The following BORCS8 variants were observed in gnomAD, a reference collection of about 807,000 sequenced individuals.
BORCS8 encodes BLOC-1 related complex subunit 8, also known as BLOC-1-related complex subunit 8.
A neutral mutation model predicts 18.7 loss-of-function variants in BORCS8; 13 were observed. The observed-to-expected ratio is 0.70, with a 90% CI of 0.45 to 1.11. The LOEUF (loss-of-function observed/expected upper bound fraction) is 1.11, where lower values mean the gene tolerates loss of function less well. BORCS8 is among the 50% of genes least tolerant of loss of function. BORCS8 has a pLI of 0.00. For synonymous variants in BORCS8, 68 were observed against 64.8 expected (o/e 1.05, Z -0.24); for missense variants, 165 against 165.7 (o/e 1.00, Z 0.02).
In BORCS8 at chr19:19,182,803, G is replaced by C. The variant is rs546051719; in HGVS notation, c.216-120C>G. ...ACCTCAGTGATTCTGCGGGCTTCCC[G>C]AAGGACTCACAGTGGGCTTACATTT... On this transcript the variant is annotated intron_variant, in intron 3 of 5. Coordinates refer to ENST00000462790, the MANE Select transcript of BORCS8 (RefSeq NM_001145784.2). This position sits in a 1 kb window ranked among gnomAD's most constrained non-coding sequence, Gnocchi z 4.1. 5 of 1,317,730 alleles carry C rather than the reference G, an allele frequency of 3.8e-6. No individual in the cohort carries two copies. The African/African-American group carries it at 5.9e-5, about 16-fold the overall frequency. The allele number at this position is 1,317,730 out of a possible 1,614,324, so 81.6% of individuals were successfully genotyped here.
Position 19,186,050 on chromosome 19 carries a change from C to T in BORCS8, c.199G>A (p.Val67Met). The T allele has an allele frequency of 1.3e-6, 2 of 1,551,192 alleles. No individual in the cohort carries two copies. Among genetic ancestry groups the T allele is most frequent in the Non-Finnish European group, 1.7e-6 (2 of 1,146,974 alleles). Residue 67 changes from valine to methionine, a missense_variant, in exon 3 of 6, where the codon GTG becomes ATG. Physicochemically the swap from Val to Met is conservative, Grantham distance 21. Transcript: ENST00000462790. Reference sequence around the variant, plus strand: ...GGCGCTCACCTGCAGGCGTACTCCACAGTGTAGATGGCTCCCTGGCTCTGC... The same window carrying T: ...GGCGCTCACCTGCAGGCGTACTCCATAGTGTAGATGGCTCCCTGGCTCTGC... ...EEQSQGAIYT[V>M]EYACSAVKNL...
intron 5 of BORCS8, chr19:19,178,978 G>GA (rs1206860109): frequency 1.1e-3 from 167 of 150,034 alleles, no homozygotes; most frequent in African/African-American, 3.5e-3. Context: ...AAAAAAGAGA[G>GA]AAAAAAAAAG....
At chr19:19,183,628 A>G (rs1187674468) in intron 3 of BORCS8, among the ~76,000 whole-genome samples, 2 of 148,180 alleles carry the variant, frequency 1.3e-5, no homozygotes, top group Non-Finnish European at 3.0e-5. Context: ...CTTGTTGCCC[A>G]GGCTGGAGTG....
At chr19:19,177,684 GGAAGGAAGGAAGAGAAAAGAAA>G (rs2060307033) in intron 5 of BORCS8, 1 of 47,640 alleles carries the variant, frequency 2.1e-5, no homozygotes, top group African/African-American at 9.5e-5. Context: ...AAGGAAGGAA[GGAAGGAAGGAAGAGAAAAGAAA>G]AGAAAAGAAA....
chr19:19,178,909 G>A (rs971963273), intron 5 of BORCS8: 6 of 150,338 alleles, frequency 4.0e-5, no homozygotes, highest in African/African-American at 1.5e-4. Context: ...ACACTGAACC[G>A]AGATCGCACC....
intron 5 of BORCS8, chr19:19,179,390 C>T (rs2060329323): frequency 6.5e-6 from 1 of 152,698 alleles, no homozygotes; most frequent in South Asian, 2.1e-4. Context: ...CATCAACTGC[C>T]AGAGGTACTC....
At chr19:19,179,594 C>G (rs1054633412) in intron 5 of BORCS8, 1 of 152,718 alleles carries the variant, frequency 6.5e-6, no homozygotes, top group Admixed American at 6.5e-5. Context: ...CACATGGCAC[C>G]GAGGACAATC....
At chr19:19,177,733 GAAAAGAAAAGAAAAGAAAA>G (rs1197468783) in intron 5 of BORCS8, 3 of 172,882 alleles carry the variant, frequency 1.7e-5, no homozygotes, top group African/African-American at 2.6e-5. Context: ...GAAAAGAAAA[GAAAAGAAAAGAAAAGAAAA>G]GAAAGGAAGA....
rs1454528333 is a variant in BORCS8 at position 19,182,686 on chromosome 19, G to A, written c.216-3C>T. On this transcript the variant is annotated splice_region_variant and splice_polypyrimidine_tract_variant and intron_variant, in intron 3 of 5. Transcript: ENST00000462790. The surrounding 1 kb of genome is among the most constrained non-coding windows in gnomAD (Gnocchi z 4.1). ...TGTCCACCAGGTTCTTCACGGCGCT[G>A]AAACGGGAGGACAGGCCTGGTCAGC... 1.3e-6 allele frequency: 2 copies of A among 1,549,802 alleles called. No individual in the cohort carries two copies. Among genetic ancestry groups the A allele is most frequent in the Admixed American group, 2.0e-5 (1 of 50,958 alleles).
At chr19:19,192,048 G>C in intron 1 of BORCS8, 33 bp downstream of exon 1, 1 of 1,550,176 alleles carries the variant, frequency 6.5e-7, no homozygotes, top group Non-Finnish European at 8.7e-7. Context: ...CAAGTTACCG[G>C]CCCCCTCTGT....
rs1376064847 is a variant in BORCS8, at chr19:19,177,696, G to GGGAGGGAAAAGAAAAGAAA, written c.*43-237_*43-236insTTTCTTTTCTTTTCCCTCC. On this transcript the variant is annotated intron_variant, in intron 5 of 5. Transcript: ENST00000462790. ...AGGAAGGAAGGAAGGAAGGAAGGAA[G>GGGAGGGAAAAGAAAAGAAA]AGAAAAGAAAAGAAAAGAAAAGAAA... The GGGAGGGAAAAGAAAAGAAA allele has an allele frequency of 6.7e-5, 5 of 74,802 alleles. No homozygotes were observed. The South Asian group carries it at 1.8e-3, about 26-fold the overall frequency. 4.6% of individuals were successfully genotyped at this position (74,802 alleles called of 1,614,324 possible).
intron 4 of BORCS8, among the ~76,000 whole-genome samples, chr19:19,181,271 G>A (rs550212321): frequency 1.3e-5 from 2 of 151,982 alleles, no homozygotes; most frequent in South Asian, 2.1e-4. Context: ...AGGCTGAGGC[G>A]AGAGAATTGC....
intron 4 of BORCS8, chr19:19,181,776 G>A: frequency 2.5e-6 from 2 of 804,206 alleles, no homozygotes; most frequent in Non-Finnish European, 3.0e-6. Flanking sequence ...CAACACAGAT[G>A]CTTTCTTTCT....
In BORCS8 at chr19:19,182,457, G is replaced by C. The variant is rs2060358326; in HGVS notation, c.326+116C>G. On this transcript the variant is annotated intron_variant, in intron 4 of 5. Transcript: ENST00000462790. This position sits in a 1 kb window ranked among gnomAD's most constrained non-coding sequence, Gnocchi z 4.1. The stretch of plus-strand genomic sequence containing the variant: ...GACAAGAGGAGGTCACCAGACACCA[G>C]GACAAAAGGAAAGAGACAGTTTTCT... The C allele has an allele frequency of 2.7e-6, 4 of 1,455,662 alleles. No homozygotes were observed. Among genetic ancestry groups the C allele is most frequent in the Non-Finnish European group, 2.7e-6 (3 of 1,105,030 alleles). The allele number at this position is 1,455,662 out of a possible 1,614,324, so 90.2% of individuals were successfully genotyped here.
At chr19:19,178,618 G>C (rs564669007) in intron 5 of BORCS8, 1 of 152,496 alleles carries the variant, frequency 6.6e-6, no homozygotes, top group African/African-American at 2.4e-5. Context: ...CCCTGCGAAG[G>C]TCACTGATGA....
chr19:19,191,156 T>C (rs1382910095), intron 1 of BORCS8, among the ~76,000 whole-genome samples: 1 of 151,846 alleles, frequency 6.6e-6, no homozygotes, highest in Admixed American at 6.6e-5. Context: ...AGTTCGAGAC[T>C]AGCCTGAGCA....
At chr19:19,187,278 C>G (rs2060418682) in intron 1 of BORCS8, among the ~76,000 whole-genome samples, 1 of 152,062 alleles carries the variant, frequency 6.6e-6, no homozygotes, top group Admixed American at 6.6e-5. Flanking sequence ...GAATTCAAGA[C>G]CAGCCAGGCC....
rs1400363001 is a variant in BORCS8, at chr19:19,182,813, C to CTTCGGGAAGA, written c.216-131_216-130insTCTTCCCGAA. 6 of 1,216,410 alleles carry CTTCGGGAAGA rather than the reference C, an allele frequency of 4.9e-6. No homozygotes were observed. The Admixed American group carries it at 1.7e-4, about 35-fold the overall frequency. The allele number at this position is 1,216,410 out of a possible 1,614,324, so 75.4% of individuals were successfully genotyped here. A position where few individuals can be genotyped will look rare whatever the true frequency, so the allele number is the denominator to read the frequency against. The stretch of plus-strand genomic sequence containing the variant: ...TTCTGCGGGCTTCCCGAAGGACTCA[C>CTTCGGGAAGA]AGTGGGCTTACATTTTAGATTTCCC... On this transcript the variant is annotated intron_variant, in intron 3 of 5. Coordinates refer to ENST00000462790, the MANE Select transcript of BORCS8 (RefSeq NM_001145784.2). The surrounding 1 kb of genome is among the most constrained non-coding windows in gnomAD (Gnocchi z 4.1).
At chr19:19,185,669 G>C (rs2060400599) in intron 3 of BORCS8, among the ~76,000 whole-genome samples, 1 of 152,224 alleles carries the variant, frequency 6.6e-6, no homozygotes, top group South Asian at 2.1e-4. Flanking sequence ...CTGGGTGACA[G>C]AGTAAGATTC....
Sources: gnomAD v4.1 joint callset for allele counts (sites outside exome capture counted in the v4.1 genomes callset) on GRCh38, gnomAD v4.1.1 for gene constraint, Gnocchi (gnomAD v3.1) non-coding constraint, MANE v1.5 for transcripts, NCBI Gene and HGNC (gene_info 2026-07-23, HGNC 2026-07-21) for gene names.